The following CAMKMT variants were observed in gnomAD, a reference collection of about 807,000 sequenced individuals.
CAMKMT encodes calmodulin-lysine N-methyltransferase.
CAMKMT carries 53 observed loss-of-function variants against 48.0 expected under a neutral mutation model. That is an observed-to-expected ratio of 1.10 (90% confidence interval 0.89 to 1.39). The LOEUF (loss-of-function observed/expected upper bound fraction) is 1.39, where lower values mean the gene tolerates loss of function less well. CAMKMT is among the 40% of genes most tolerant of loss of function. The pLI, the probability that CAMKMT is intolerant of heterozygous loss-of-function variation, is 0.00. For missense variants in CAMKMT, 428 were observed against 402.7 expected, an observed-to-expected ratio of 1.06 and a Z score of -0.54; for synonymous variants, 165 against 152.3, an observed-to-expected ratio of 1.08 and a Z score of -0.61.
At chr2:44,554,814 T>G (rs953047440) in intron 3 of CAMKMT, among the ~76,000 whole-genome samples, 2 of 152,168 alleles carry the variant, frequency 1.3e-5, no homozygotes, top group Non-Finnish European at 2.9e-5. Context: ...AGGTCAAGGC[T>G]GCAGTGAACC....
At chr2:44,465,003 T>TTTATCTTTTAAATTGGA (rs1191931366) in intron 3 of CAMKMT, among the ~76,000 whole-genome samples, 1 of 152,186 alleles carries the variant, frequency 6.6e-6, no homozygotes, top group Non-Finnish European at 1.5e-5. Flanking sequence ...AAATTGGATA[T>TTTATCTTTTAAATTGGA]TTATCTTTTA....
At chr2:44,685,016 C>T (rs1231607177) in intron 3 of CAMKMT, among the ~76,000 whole-genome samples, 1 of 151,844 alleles carries the variant, frequency 6.6e-6, no homozygotes, top group African/African-American at 2.4e-5. Context: ...TAGAACAATT[C>T]GTTGCTATTC....
chr2:44,715,398 T>C (rs761434585), intron 7 of CAMKMT, 45 bp downstream of exon 7: 1 of 1,359,270 alleles, frequency 7.4e-7, no homozygotes, highest in African/African-American at 1.4e-5. Flanking sequence ...GAAATTGCTT[T>C]TCTTGATACT....
At chr2:44,672,241 T>C (rs547543022) in intron 3 of CAMKMT, among the ~76,000 whole-genome samples, 9 of 152,176 alleles carry the variant, frequency 5.9e-5, no homozygotes, top group African/African-American at 2.2e-4. Flanking sequence ...AGCAAGGAGG[T>C]CTGGTGAATG....
At chr2:44,369,493 C>A (rs1384704557) in intron 1 of CAMKMT, among the ~76,000 whole-genome samples, 2 of 152,088 alleles carry the variant, frequency 1.3e-5, no homozygotes, top group African/African-American at 4.8e-5. Context: ...TAAGTGCTTA[C>A]AAAATCACTG....
intron 3 of CAMKMT, among the ~76,000 whole-genome samples, chr2:44,418,474 G>C (rs553890032): frequency 4.6e-5 from 7 of 152,160 alleles, no homozygotes; most frequent in African/African-American, 1.7e-4. Flanking sequence ...GTATTTGGTT[G>C]TTTTGGTATC....
In CAMKMT at chr2:44,633,344, C is replaced by G. The variant is rs76275438; in HGVS notation, c.377-70939C>G. On this transcript the variant is annotated intron_variant, in intron 3 of 10. Coordinates refer to ENST00000378494, the MANE Select transcript of CAMKMT (RefSeq NM_024766.5). The stretch of plus-strand genomic sequence containing the variant: ...ATTTTCATCAAGTTTTGGGCTTATT[C>G]CTTTGAATATATTTCTGTGCCATTT... Among the ~76,000 whole-genome samples, 1,256 of 152,224 alleles carry G rather than the reference C, an allele frequency of 8.3e-3. 20 individuals are homozygous for G. Among genetic ancestry groups the G allele is most frequent in the African/African-American group, 0.029 (1,200 of 41,532 alleles).
At chr2:44,375,696 C>G (rs1187749534) in intron 2 of CAMKMT, among the ~76,000 whole-genome samples, 1 of 151,966 alleles carries the variant, frequency 6.6e-6, no homozygotes, top group Non-Finnish European at 1.5e-5. Flanking sequence ...ACAGAATCAT[C>G]AGAGGCTACT....
chr2:44,436,426 A>G (rs1443317585), intron 3 of CAMKMT, among the ~76,000 whole-genome samples: 1 of 152,166 alleles, frequency 6.6e-6, no homozygotes, highest in East Asian at 1.9e-4. Context: ...AGGGCAGATA[A>G]AGAAAGGGGA....
chr2:44,622,202 C>T (rs1672235671), intron 3 of CAMKMT, among the ~76,000 whole-genome samples: 1 of 152,140 alleles, frequency 6.6e-6, no homozygotes, highest in African/African-American at 2.4e-5. Context: ...CTTCTCGTTC[C>T]TCATAAATTG....
intron 3 of CAMKMT, among the ~76,000 whole-genome samples, chr2:44,532,593 G>A (rs936038): frequency 0.67 from 101,690 of 151,972 alleles, 34,794 homozygotes; most frequent in South Asian, 0.76. Context: ...GAAATAAACA[G>A]TGACAATGCA....
chr2:44,550,502 T>C (rs1667648641), intron 3 of CAMKMT: 1 of 152,178 alleles, frequency 6.6e-6, no homozygotes, highest in African/African-American at 2.4e-5. Context: ...AGTAAAGGAA[T>C]TAAATCAATT....
intron 3 of CAMKMT, among the ~76,000 whole-genome samples, chr2:44,402,308 G>GTCTAAA (rs376947814): frequency 7.2e-6 from 1 of 139,748 alleles, no homozygotes; most frequent in Non-Finnish European, 1.5e-5. Context: ...CAGCTTGGGT[G>GTCTAAA]ACACAGCAAG....
intron 3 of CAMKMT, among the ~76,000 whole-genome samples, chr2:44,522,246 A>G (rs1186081130): frequency 3.3e-5 from 5 of 151,888 alleles, no homozygotes; most frequent in South Asian, 2.1e-4. Flanking sequence ...ACCTCGTGAT[A>G]TGCTCGCCTC....
At chr2:44,439,157 G>A (rs1161646029) in intron 3 of CAMKMT, among the ~76,000 whole-genome samples, 1 of 151,834 alleles carries the variant, frequency 6.6e-6, no homozygotes, top group Non-Finnish European at 1.5e-5. Context: ...TTTTCTCACT[G>A]TCTTTTGGAA....
At chr2:44,765,349 T>C (rs1573254402) in intron 9 of CAMKMT, among the ~76,000 whole-genome samples, 1 of 152,182 alleles carries the variant, frequency 6.6e-6, no homozygotes, top group Non-Finnish European at 1.5e-5. Context: ...TATGAATGCC[T>C]AGCACAGTGT....
chr2:44,598,013 G>A (rs71420100), intron 3 of CAMKMT, among the ~76,000 whole-genome samples: 118 of 151,312 alleles, frequency 7.8e-4, no homozygotes, highest in Non-Finnish European at 1.4e-3. Context: ...GGGATTACAG[G>A]TGTGAGCCAC....
At chr2:44,395,990 C>A (rs1207234726) in intron 3 of CAMKMT, among the ~76,000 whole-genome samples, 3 of 151,982 alleles carry the variant, frequency 2.0e-5, no homozygotes, top group African/African-American at 7.2e-5. Flanking sequence ...TGTGACTTAA[C>A]ATATGATGAA....
intron 3 of CAMKMT, among the ~76,000 whole-genome samples, chr2:44,406,419 A>G (rs1184265985): frequency 3.3e-5 from 5 of 152,164 alleles, no homozygotes; most frequent in Non-Finnish European, 7.4e-5. Context: ...ATACTTACAG[A>G]TAGTTTCAAC....
Sources: allele counts gnomAD v4.1 joint callset (sites outside exome capture counted in the v4.1 genomes callset), GRCh38; gene constraint gnomAD v4.1.1; transcripts MANE v1.5; gene names NCBI Gene and HGNC (gene_info 2026-07-23, HGNC 2026-07-21).